Variants in EIF4A1 observed in about 807,000 individuals in gnomAD.
The protein encoded by EIF4A1 is eukaryotic initiation factor 4A-I.
Under a neutral mutation model 53.5 loss-of-function variants are expected in EIF4A1, and 11 were observed. The ratio of observed to expected loss-of-function variants is 0.21; its 90% confidence interval spans 0.13 to 0.34. EIF4A1 has a LOEUF of 0.34. Ranked by LOEUF, EIF4A1 falls within the 10% of genes least tolerant of loss-of-function variation. The pLI is 1.00. For synonymous variants in EIF4A1, 237 were observed against 186.7 expected, an observed-to-expected ratio of 1.27 and a Z score of -2.20; for missense variants, 213 against 530.8, an observed-to-expected ratio of 0.40 and a Z score of 5.88.
chr17:7,575,024 G>GT, intron 3 of EIF4A1, 95 bp from the exon 4 acceptor site: 3 of 1,518,228 alleles, frequency 2.0e-6, no homozygotes, highest in Non-Finnish European at 2.7e-6. Flanking sequence ...GAAATGCTTG[G>GT]TTCATTGGTT....
At position 7,575,180 on chromosome 17, in the gene EIF4A1, G is replaced by A. The variant is rs7358; in HGVS notation, c.267G>A (p.Ser89=). 0.13 allele frequency: 216,230 copies of A among 1,612,794 alleles called. 15,119 individuals carry two copies. Among genetic ancestry groups the A allele is most frequent in the South Asian group, 0.18 (15,993 of 91,022 alleles). Residue 89 remains serine (S), a synonymous_variant, in exon 4 of 11, where the codon TCG becomes TCA. Transcript: ENST00000293831. ...GTGKTATFAI[S]ILQQIELDLK... ...GGAAAACGGCCACATTTGCCATATCGATTCTGCAGCAGATTGAATTAGATC... is the reference window on the plus strand; with the variant it reads ...GGAAAACGGCCACATTTGCCATATCAATTCTGCAGCAGATTGAATTAGATC...
At chr17:7,576,436 G>A in intron 4 of EIF4A1, 88 bp from the exon 5 acceptor site, 1 of 1,468,166 alleles carries the variant, frequency 6.8e-7, no homozygotes, top group Non-Finnish European at 9.0e-7. Context: ...CAAAGTTGTT[G>A]GTTAGGAATC....
At chr17:7,576,929 G>A in intron 5 of EIF4A1, 127 bp from the exon 6 acceptor site, 4 of 1,361,096 alleles carry the variant, frequency 2.9e-6, no homozygotes, top group Non-Finnish European at 3.2e-6. Flanking sequence ...CTGGGCAAAG[G>A]ATCAGTCTTT....
Position 7,576,649 on chromosome 17 carries a change from T to G in EIF4A1, c.471T>G (p.Gly157=), listed in dbSNP as rs201413865. 6.2e-5 allele frequency: 100 copies of G among 1,613,542 alleles called. No individual in the cohort carries two copies. In the East Asian group the frequency reaches 2.1e-3, roughly 35 times the overall value. ...TGGAAGCTCCCCACATCATCGTGGG[T>G]ACCCCTGGCCGTGTGTTTGATATGC... ...LQMEAPHIIV[G]TPGRVFDMLN... The change falls in exon 5 of 11, where the codon GGT becomes GGG. Residue 157 remains glycine (G), a synonymous_variant. Transcript: ENST00000293831.
chr17:7,574,782 C>T (rs2071378135), intron 3 of EIF4A1, 104 bp downstream of exon 3: 2 of 1,570,498 alleles, frequency 1.3e-6, no homozygotes, highest in Non-Finnish European at 1.7e-6. Context: ...GACAAAGCAA[C>T]TCCTTGTTCA....
Position 7,577,809 on chromosome 17 carries a change from AT to A in EIF4A1, c.907-15del. ...CAGGTGCCTACCTGGTCTGCTGCAT[AT>A]TTGTTTTCTCTTCCAGCATGGAGAT... On this transcript the variant is annotated splice_polypyrimidine_tract_variant and intron_variant, in intron 8 of 10. Coordinates refer to ENST00000293831, the MANE Select transcript of EIF4A1 (RefSeq NM_001416.4). The surrounding 1 kb of genome is among the most constrained non-coding windows in gnomAD (Gnocchi z 4.7). 6.2e-7 allele frequency: 1 copy of A among 1,614,054 alleles called. No individual in the cohort carries two copies. Among genetic ancestry groups the A allele is most frequent in the Non-Finnish European group, 8.5e-7 (1 of 1,180,010 alleles).
chr17:7,576,377 C>T (rs1013321835), intron 4 of EIF4A1, 147 bp from the exon 5 acceptor site: 2 of 1,061,350 alleles, frequency 1.9e-6, no homozygotes, highest in Non-Finnish European at 2.6e-6. Flanking sequence ...TGGATTTTAG[C>T]CTCTGCCTGT....
rs1216532809 is a variant in EIF4A1 at position 7,578,255 on chromosome 17, A to G, written c.1076+11A>G. On this transcript the variant is annotated intron_variant, in intron 10 of 10. Coordinates refer to ENST00000293831, the MANE Select transcript of EIF4A1 (RefSeq NM_001416.4). Reference sequence around the variant, plus strand: ...AAACTATATCCACAGGTAAGCGTAGATCTGGAACACTCCCCTACCCCTTCA... The same window carrying G: ...AAACTATATCCACAGGTAAGCGTAGGTCTGGAACACTCCCCTACCCCTTCA... 1 of 1,614,068 alleles carries G rather than the reference A, an allele frequency of 6.2e-7. No homozygotes were observed.
chr17:7,577,297 C>CCT lies in EIF4A1; in HGVS notation c.625-45_625-44dup. ...AGGTGTGGCTAGGGAAGGGAGCAGG[C>CCT]CTCAGGAAGGAACCAGCACTCTAAG... On this transcript the variant is annotated intron_variant, in intron 6 of 10. Transcript: ENST00000293831. The surrounding 1 kb of genome is among the most constrained non-coding windows in gnomAD (Gnocchi z 4.7). 6 of 1,608,066 alleles carry CCT rather than the reference C, an allele frequency of 3.7e-6. No individual in the cohort carries two copies. The highest frequency in any genetic ancestry group is 5.1e-6 in the Non-Finnish European group (6 of 1,176,484).
At chr17:7,574,024 G>C in intron 1 of EIF4A1, 1 of 546,600 alleles carries the variant, frequency 1.8e-6, no homozygotes, top group Non-Finnish European at 3.2e-6. Context: ...CCTGTCTTCA[G>C]AAAGGGTCAC....
chr17:7,575,249 G>C lies in EIF4A1; in HGVS notation c.336G>C (p.Leu112Phe). The change falls in exon 4 of 11, where the codon TTG becomes TTC. Residue 112 changes from leucine to phenylalanine, a missense_variant. Physicochemically the swap from Leu to Phe is conservative, Grantham distance 22. Around this residue, in one of 4 missense-constraint regions of EIF4A1, gnomAD observed 119 missense variants for 351.0 expected, o/e 0.34. Transcript: ENST00000293831. ...TGGTCCTAGCACCCACTCGAGAATT[G>C]GCTCAGCAGGTAAGAGTGGCTTCTA... ...QALVLAPTRE[L>F]AQQIQKVVMA... The C allele has an allele frequency of 6.2e-7, 1 of 1,613,968 alleles. No individual in the cohort carries two copies. Among genetic ancestry groups the C allele is most frequent in the Non-Finnish European group, 8.5e-7 (1 of 1,180,020 alleles).
intron 9 of EIF4A1, 91 bp from the exon 10 acceptor site, chr17:7,578,074 C>T (rs2071426397): frequency 1.3e-6 from 2 of 1,591,626 alleles, no homozygotes; most frequent in Non-Finnish European, 1.7e-6. Flanking sequence ...CCTCTGCCTT[C>T]CTTGGCTGCC....
chr17:7,575,103 T>TA lies in EIF4A1; in HGVS notation c.206-14dup, dbSNP rs778672641. On this transcript the variant is annotated splice_polypyrimidine_tract_variant and intron_variant, in intron 3 of 10. Coordinates refer to ENST00000293831, the MANE Select transcript of EIF4A1 (RefSeq NM_001416.4). ...TATGCTCTTTACCACATTCAACTCC[T>TA]AATTTATTTGTTTAGGTTATGATGT... is the stretch of plus-strand genomic sequence containing the variant. The TA allele has an allele frequency of 2.7e-5, 43 of 1,611,402 alleles. No homozygotes were observed. In the South Asian group the frequency reaches 4.6e-4, roughly 17 times the overall value.
In EIF4A1 at chr17:7,577,301, A is replaced by G; in HGVS notation, c.625-43A>G. The stretch of plus-strand genomic sequence containing the variant: ...GTGGCTAGGGAAGGGAGCAGGCCTC[A>G]GGAAGGAACCAGCACTCTAAGACTG... On this transcript the variant is annotated intron_variant, in intron 6 of 10. Transcript: ENST00000293831. The surrounding 1 kb of genome is among the most constrained non-coding windows in gnomAD (Gnocchi z 4.7). The G allele has an allele frequency of 6.2e-7, 1 of 1,609,154 alleles. No individual in the cohort carries two copies. The highest frequency in any genetic ancestry group is 8.5e-7 in the Non-Finnish European group (1 of 1,177,052).
intron 2 of EIF4A1, 50 bp from the exon 3 acceptor site, chr17:7,574,496 C>G: frequency 1.9e-6 from 3 of 1,611,358 alleles, no homozygotes. Flanking sequence ...GACTACAGCT[C>G]AGCTCCACCT....
intron 1 of EIF4A1, chr17:7,573,328 T>G: frequency 4.6e-6 from 1 of 218,776 alleles, no homozygotes; most frequent in Non-Finnish European, 9.2e-6. Context: ...ATCCAGTCAC[T>G]TCGTCGCGGC....
chr17:7,575,102 C>G lies in EIF4A1; in HGVS notation c.206-17C>G. 7 of 1,611,260 alleles carry G rather than the reference C, an allele frequency of 4.3e-6. No homozygotes were observed. Among genetic ancestry groups the G allele is most frequent in the Non-Finnish European group, 5.9e-6 (7 of 1,179,382 alleles). ...GTATGCTCTTTACCACATTCAACTC[C>G]TAATTTATTTGTTTAGGTTATGATG... is the stretch of plus-strand genomic sequence containing the variant. On this transcript the variant is annotated splice_polypyrimidine_tract_variant and intron_variant, in intron 3 of 10. Transcript: ENST00000293831.
chr17:7,572,922 G>C lies in EIF4A1; in HGVS notation c.23+58G>C, dbSNP rs1377796286. On this transcript the variant is annotated intron_variant, in intron 1 of 10. Transcript: ENST00000293831. ...CTTATTTTGCCGCCCCCTTCCGACG[G>C]GCCCGCCGGGGGTAGCTGAGAGGCC... is the stretch of plus-strand genomic sequence containing the variant. 3.7e-6 allele frequency: 6 copies of C among 1,613,964 alleles called. No homozygotes were observed. In the Admixed American group the frequency reaches 6.7e-5, roughly 18 times the overall value.
In EIF4A1 at chr17:7,576,691, G is replaced by A. The variant is rs1342341612; in HGVS notation, c.513G>A (p.Leu171=). Residue 171 remains leucine, a splice_region_variant and synonymous_variant, in exon 5 of 11, where the codon CTG becomes CTA. Coordinates refer to ENST00000293831, the MANE Select transcript of EIF4A1 (RefSeq NM_001416.4). Reference sequence around the variant, plus strand: ...TTGATATGCTTAACCGGAGATACCTGTGTGAGTAATTCGGTTCTCCAATCC... The same window carrying A: ...TTGATATGCTTAACCGGAGATACCTATGTGAGTAATTCGGTTCTCCAATCC... The part of the protein sequence containing the change: ...RVFDMLNRRY[L]SPKYIKMFVL... The A allele has an allele frequency of 6.2e-7, 1 of 1,600,238 alleles. No individual in the cohort carries two copies. The highest frequency in any genetic ancestry group is 8.5e-7 in the Non-Finnish European group (1 of 1,171,824).
Sources: allele counts gnomAD v4.1 joint callset, GRCh38; gene constraint gnomAD v4.1.1; regional missense constraint gnomAD v4.1.1; non-coding constraint Gnocchi (gnomAD v3.1); transcripts MANE v1.5; gene names NCBI Gene and HGNC (gene_info 2026-07-23, HGNC 2026-07-21).